The following NSMCE2 variants were observed in gnomAD, a reference collection of about 807,000 sequenced individuals.
The protein encoded by NSMCE2 is NSE2 SUMO ligase component of SMC5/6 complex, also known as E3 SUMO-protein ligase NSE2.
NSMCE2 carries 24 observed loss-of-function variants against 23.8 expected under a neutral mutation model. That is an observed-to-expected ratio of 1.01 (90% confidence interval 0.73 to 1.42). The LOEUF (loss-of-function observed/expected upper bound fraction) is 1.42, where lower values mean the gene tolerates loss of function less well. Among genes scored for constraint, NSMCE2 ranks in the 40% most tolerant of loss-of-function variants. The pLI, the probability that NSMCE2 is intolerant of heterozygous loss-of-function variation, is 0.00. For missense variants in NSMCE2, 284 were observed against 296.5 expected, an observed-to-expected ratio of 0.96 and a Z score of 0.31; for synonymous variants, 92 against 94.1, an observed-to-expected ratio of 0.98 and a Z score of 0.13.
At chr8:125,250,774 C>T (rs1826171223) in intron 5 of NSMCE2, among the ~76,000 whole-genome samples, 2 of 152,096 alleles carry the variant, frequency 1.3e-5, no homozygotes, top group Admixed American at 1.3e-4. Flanking sequence ...CCTCAGCCTC[C>T]CAAGTAGCTG....
chr8:125,133,693 G>A (rs999680649), intron 3 of NSMCE2, among the ~76,000 whole-genome samples: 23 of 151,658 alleles, frequency 1.5e-4, no homozygotes, highest in Non-Finnish European at 2.5e-4. Context: ...GCAGTGAGCC[G>A]AGATCACGAC....
At chr8:125,326,489 G>A (rs1829669258) in intron 5 of NSMCE2, among the ~76,000 whole-genome samples, 1 of 152,092 alleles carries the variant, frequency 6.6e-6, no homozygotes, top group Non-Finnish European at 1.5e-5. Flanking sequence ...GTGTATGTGA[G>A]GGATTTCTTG....
intron 5 of NSMCE2, among the ~76,000 whole-genome samples, chr8:125,207,967 G>A (rs957161888): frequency 2.0e-5 from 3 of 152,212 alleles, no homozygotes; most frequent in Admixed American, 2.0e-4. Flanking sequence ...GAAATTACAA[G>A]GCAGCCCAGA....
At chr8:125,244,879 A>G (rs897682901) in intron 5 of NSMCE2, among the ~76,000 whole-genome samples, 1 of 152,258 alleles carries the variant, frequency 6.6e-6, no homozygotes, top group African/African-American at 2.4e-5. Context: ...CTCAAAGCTT[A>G]AACTAATAAC....
intron 5 of NSMCE2, among the ~76,000 whole-genome samples, chr8:125,216,646 A>G (rs991215460): frequency 6.6e-6 from 1 of 152,076 alleles, no homozygotes; most frequent in African/African-American, 2.4e-5. Context: ...AAAAAAAAAA[A>G]AAAATGGTCT....
intron 4 of NSMCE2, among the ~76,000 whole-genome samples, chr8:125,155,238 A>G (rs1171350236): frequency 6.6e-6 from 1 of 152,226 alleles, no homozygotes; most frequent in East Asian, 1.9e-4. Flanking sequence ...AGGGCAGGGA[A>G]GAATTTGGAG....
At chr8:125,344,453 A>ATATACCAT (rs1830362087) in intron 5 of NSMCE2, among the ~76,000 whole-genome samples, 1 of 152,134 alleles carries the variant, frequency 6.6e-6, no homozygotes, top group Non-Finnish European at 1.5e-5. Context: ...ATTGTTTAAG[A>ATATACCAT]TGAATCATGG....
intron 7 of NSMCE2, among the ~76,000 whole-genome samples, chr8:125,360,773 C>T (rs571071544): frequency 2.6e-5 from 4 of 152,232 alleles, no homozygotes; most frequent in African/African-American, 4.8e-5. Context: ...TTTCTGGGTT[C>T]GCTTTGTTTA....
chr8:125,234,325 T>A (rs986499121), intron 5 of NSMCE2, among the ~76,000 whole-genome samples: 3 of 152,376 alleles, frequency 2.0e-5, no homozygotes, highest in Admixed American at 6.5e-5. Flanking sequence ...CATACCATTT[T>A]ATGTATATTT....
At chr8:125,189,504 G>A (rs978321984) in intron 5 of NSMCE2, among the ~76,000 whole-genome samples, 1 of 152,262 alleles carries the variant, frequency 6.6e-6, no homozygotes, top group Admixed American at 6.5e-5. Context: ...GGGCTAAAGT[G>A]TAAGAACTAA....
chr8:125,115,724 C>T (rs1818973178), intron 3 of NSMCE2, among the ~76,000 whole-genome samples: 1 of 151,856 alleles, frequency 6.6e-6, no homozygotes, highest in Admixed American at 6.6e-5. Flanking sequence ...GAGACTCCGT[C>T]TCAATAAAAA....
chr8:125,227,006 G>A (rs1825124640), intron 5 of NSMCE2, among the ~76,000 whole-genome samples: 2 of 152,044 alleles, frequency 1.3e-5, no homozygotes, highest in African/African-American at 4.8e-5. Flanking sequence ...CCTTTGCCTA[G>A]GGACTCACCA....
intron 5 of NSMCE2, among the ~76,000 whole-genome samples, chr8:125,281,395 C>T (rs1478079410): frequency 6.6e-6 from 1 of 152,186 alleles, no homozygotes; most frequent in Non-Finnish European, 1.5e-5. Context: ...AATTTCAACA[C>T]ATTATACAGC....
intron 5 of NSMCE2, among the ~76,000 whole-genome samples, chr8:125,333,266 C>A (rs927633367): frequency 6.6e-6 from 1 of 151,116 alleles, no homozygotes; most frequent in Non-Finnish European, 1.5e-5. Context: ...ACCTCCTGGG[C>A]CCAAGTAATC....
intron 5 of NSMCE2, among the ~76,000 whole-genome samples, chr8:125,229,556 T>C (rs1294652501): frequency 2.0e-5 from 3 of 152,136 alleles, no homozygotes; most frequent in Non-Finnish European, 4.4e-5. Flanking sequence ...GCTAAAGAAG[T>C]ACCGACATTT....
intron 5 of NSMCE2, among the ~76,000 whole-genome samples, chr8:125,250,714 C>T (rs1826168796): frequency 6.6e-6 from 1 of 151,892 alleles, no homozygotes; most frequent in African/African-American, 2.4e-5. Flanking sequence ...GCAGTGGTGC[C>T]AGCATAGCTT....
intron 5 of NSMCE2, among the ~76,000 whole-genome samples, chr8:125,250,773 C>T (rs1292527718): frequency 2.0e-5 from 3 of 152,146 alleles, no homozygotes; most frequent in Admixed American, 2.0e-4. Flanking sequence ...ACCTCAGCCT[C>T]CCAAGTAGCT....
intron 3 of NSMCE2, among the ~76,000 whole-genome samples, chr8:125,146,225 G>A (rs975891642): frequency 3.3e-5 from 5 of 152,112 alleles, no homozygotes; most frequent in Admixed American, 6.5e-5. Flanking sequence ...TGGAGGAGTC[G>A]GAGGTGCTTG....
intron 4 of NSMCE2, among the ~76,000 whole-genome samples, chr8:125,170,873 A>G (rs1353227199): frequency 6.6e-6 from 1 of 152,076 alleles, no homozygotes; most frequent in Non-Finnish European, 1.5e-5. Context: ...AGTGGTTCTC[A>G]TCCTCACAGC....
Sources: gnomAD v4.1 joint callset for allele counts (sites outside exome capture counted in the v4.1 genomes callset) on GRCh38, gnomAD v4.1.1 for gene constraint, MANE v1.5 for transcripts, NCBI Gene and HGNC (gene_info 2026-07-23, HGNC 2026-07-21) for gene names.